Variants in CIBAR2 observed in about 807,000 individuals in gnomAD.
CIBAR2 encodes the protein CBY1 interacting BAR domain containing 2, also known as CBY1-interacting BAR domain-containing protein 2.
Under a neutral mutation model 36.2 loss-of-function variants are expected in CIBAR2, and 38 were observed. The observed-to-expected ratio is 1.05, with a 90% CI of 0.81 to 1.38. The LOEUF (loss-of-function observed/expected upper bound fraction) is 1.38. CIBAR2 is among the 40% of genes most tolerant of loss of function. The pLI is 0.00. For synonymous variants in CIBAR2, 182 were observed against 149.5 expected (o/e 1.22, Z -1.58); for missense variants, 481 against 383.4 (o/e 1.25, Z -2.13).
intron 6 of CIBAR2, among the ~76,000 whole-genome samples, chr16:85,104,204 G>A (rs1037965349): frequency 1.3e-5 from 2 of 152,230 alleles, no homozygotes; most frequent in Non-Finnish European, 1.5e-5. Context: ...AGGAGGCACC[G>A]ACTGGACGCA....
chr16:85,110,683 G>A (rs542155969), intron 1 of CIBAR2, among the ~76,000 whole-genome samples: 3 of 151,382 alleles, frequency 2.0e-5, no homozygotes, highest in South Asian at 2.1e-4. Context: ...ATATAAATGC[G>A]GGCTTGGCTG....
rs1335610988 is a variant in CIBAR2, at chr16:85,098,541, T to A, written c.*644A>T. 1.0e-6 allele frequency: 1 copy of A among 985,932 alleles called. No homozygotes were observed. 61.1% of individuals were successfully genotyped at this position (985,932 alleles called of 1,614,324 possible). A position where few individuals can be genotyped will look rare whatever the true frequency, so the allele number is the denominator to read the frequency against. On this transcript the variant is annotated 3_prime_UTR_variant, in exon 9 of 9. Transcript: ENST00000539556. ...CCTGAGGATCCAAGGCCAGCTAAGT[T>A]CTTCTGACTGTTGTGGGCAGTTCTC...
At chr16:85,104,433 C>T (rs868764561) in intron 6 of CIBAR2, among the ~76,000 whole-genome samples, 65 of 151,970 alleles carry the variant, frequency 4.3e-4, no homozygotes, top group African/African-American at 1.5e-3. Context: ...CTGGGGTAGG[C>T]GCGGTGGGTC....
rs1380180330 is a variant in CIBAR2 at position 85,099,133 on chromosome 16, A to C, written c.*52T>G. On this transcript the variant is annotated 3_prime_UTR_variant, in exon 9 of 9. Coordinates refer to ENST00000539556, the MANE Select transcript of CIBAR2 (RefSeq NM_198491.3). ...ATCAGAAAATAAGAACAAAGCCTCC[A>C]GGCAGTCTGGGATTATTTTAAACGG... 1.6e-5 allele frequency: 24 copies of C among 1,456,708 alleles called. No homozygotes were observed. The highest frequency in any genetic ancestry group is 1.8e-4 in the Middle Eastern group (1 of 5,428). 90.2% of individuals were successfully genotyped at this position (1,456,708 alleles called of 1,614,324 possible). A position where few individuals can be genotyped will look rare whatever the true frequency, so the allele number is the denominator to read the frequency against.
rs1385122167 is a variant in CIBAR2, at chr16:85,102,220, A to G, written c.645T>C (p.Asp215=). The change falls in exon 7 of 9, where the codon GAT becomes GAC. Residue 215 remains aspartate (D), a synonymous_variant. Transcript: ENST00000539556. Reference sequence around the variant, plus strand: ...CGGGGTGTCTGTGACTCACCAGTAGATCCCTCTCCAGGTCATACTTCTCCA... The same window carrying G: ...CGGGGTGTCTGTGACTCACCAGTAGGTCCCTCTCCAGGTCATACTTCTCCA... The part of the protein sequence containing the change: ...QTLEKYDLER[D]LLDFRAKMQG... 4 of 1,576,016 alleles carry G rather than the reference A, an allele frequency of 2.5e-6. No homozygotes were observed. The highest frequency in any genetic ancestry group is 3.5e-6 in the Non-Finnish European group (4 of 1,145,322).
Position 85,108,068 on chromosome 16 carries a change from G to A in CIBAR2, c.287C>T (p.Pro96Leu), listed in dbSNP as rs754145020. The change falls in exon 3 of 9, where the codon CCC (proline) becomes CTC (leucine). Residue 96 changes from proline to leucine, a missense_variant. By Grantham distance (98) the Pro-to-Leu change is moderately conservative. Coordinates refer to ENST00000539556, the MANE Select transcript of CIBAR2 (RefSeq NM_198491.3). Reference protein sequence around the residue: ...VERLETKVVNPLKLYGAQIKQ... With the variant: ...VERLETKVVNLLKLYGAQIKQ... The stretch of plus-strand genomic sequence containing the variant: ...GATCTGTGCCCCGTAGAGCTTCAGG[G>A]GGTTGACCACCTTGGTCTCCAGCCT... 1.2e-6 allele frequency: 2 copies of A among 1,613,106 alleles called. No individual in the cohort carries two copies. Among genetic ancestry groups the A allele is most frequent in the Admixed American group, 3.3e-5 (2 of 59,958 alleles).
intron 1 of CIBAR2, among the ~76,000 whole-genome samples, chr16:85,112,026 T>A (rs2074046649): frequency 6.6e-6 from 1 of 151,618 alleles, no homozygotes; most frequent in South Asian, 2.1e-4. Flanking sequence ...CTGGTTGGGG[T>A]TGAGGTGTGA....
intron 7 of CIBAR2, 95 bp from the exon 8 acceptor site, chr16:85,100,335 C>A: frequency 2.8e-6 from 2 of 714,514 alleles, no homozygotes; most frequent in South Asian, 1.7e-5. Flanking sequence ...CGAGAAGGCC[C>A]GAGACAGCTA....
intron 5 of CIBAR2, 121 bp from the exon 6 acceptor site, chr16:85,105,552 C>T (rs2073989664): frequency 1.9e-5 from 13 of 698,832 alleles, no homozygotes; most frequent in East Asian, 8.1e-5. Flanking sequence ...CCTCAAGGGA[C>T]GTTTCTTGCT....
At position 85,107,963 on chromosome 16, in the gene CIBAR2, AG is replaced by A. The variant is rs746832291; in HGVS notation, c.325-17del. 195 of 1,613,462 alleles carry A rather than the reference AG, an allele frequency of 1.2e-4. No homozygotes were observed. The highest frequency in any genetic ancestry group is 2.1e-5 in the Non-Finnish European group (25 of 1,179,534). ...TGATCTCAGCCTGCAGAAAAGGAGGAGGGTTGTTTCCTGGGATCCCACAGGG... is the reference window on the plus strand; with the variant it reads ...TGATCTCAGCCTGCAGAAAAGGAGGAGGTTGTTTCCTGGGATCCCACAGGG... On this transcript the variant is annotated splice_polypyrimidine_tract_variant and intron_variant, in intron 3 of 8. Coordinates refer to ENST00000539556, the MANE Select transcript of CIBAR2 (RefSeq NM_198491.3).
At chr16:85,111,216 C>T (rs1452430671) in intron 1 of CIBAR2, among the ~76,000 whole-genome samples, 1 of 152,160 alleles carries the variant, frequency 6.6e-6, no homozygotes, top group Non-Finnish European at 1.5e-5. Context: ...TCATCAAATC[C>T]CTGACTCGAG....
rs528519775 is a variant in CIBAR2 at position 85,099,571 on chromosome 16, G to A, written c.754-225C>T. Among the ~76,000 whole-genome samples the A allele has an allele frequency of 2.4e-4, 37 of 152,138 alleles. No homozygotes were observed. The South Asian group carries it at 5.8e-3, about 24-fold the overall frequency. On this transcript the variant is annotated intron_variant, in intron 8 of 8. Transcript: ENST00000539556. ...AGTGCTCAGGACCCATGGCAGCCAC[G>A]GCAGGGACCGTGTGGCCTACCACAC...
chr16:85,100,281 AAC>A lies in CIBAR2; in HGVS notation c.652-43_652-42del. On this transcript the variant is annotated intron_variant, in intron 7 of 8. Coordinates refer to ENST00000539556, the MANE Select transcript of CIBAR2 (RefSeq NM_198491.3). The stretch of plus-strand genomic sequence containing the variant: ...CAGGGTGGGTGGGATCCGATGGGAA[AAC>A]ACAGCGTGGGTTGGGGGAGTGGGAT... The A allele has an allele frequency of 2.9e-6, 4 of 1,383,008 alleles. No homozygotes were observed. The East Asian group carries it at 7.2e-5, about 25-fold the overall frequency. The allele number at this position is 1,383,008 out of a possible 1,614,324, so 85.7% of individuals were successfully genotyped here. A position where few individuals can be genotyped will look rare whatever the true frequency, so the allele number is the denominator to read the frequency against.
At chr16:85,101,508 C>G (rs1376908067) in intron 7 of CIBAR2, among the ~76,000 whole-genome samples, 1 of 152,098 alleles carries the variant, frequency 6.6e-6, no homozygotes, top group Non-Finnish European at 1.5e-5. Flanking sequence ...TGTTGCTTTA[C>G]AATACTAGGC....
intron 6 of CIBAR2, 58 bp from the exon 7 acceptor site, chr16:85,102,385 G>GCTTC: frequency 1.9e-6 from 2 of 1,070,296 alleles, no homozygotes; most frequent in Non-Finnish European, 2.9e-6. Flanking sequence ...GCCCAGGGAA[G>GCTTC]CCTGGGATGC....
rs202092569 is a variant in CIBAR2 at position 85,112,344 on chromosome 16, G to C, written c.9C>G (p.Ile3Met). Residue 3 changes from isoleucine to methionine, a missense_variant, in exon 1 of 9, where the codon ATC (isoleucine) becomes ATG (methionine). By Grantham distance (10) the Ile-to-Met change is conservative (BLOSUM62 1). Coordinates refer to ENST00000539556, the MANE Select transcript of CIBAR2 (RefSeq NM_198491.3). MN[I>M]VFSRDSQVRV... The stretch of plus-strand genomic sequence containing the variant: ...GCTGGCCCACTCACCTGGAGAAGAC[G>C]ATGTTCATTGTGACCAGAGCTTTGG... The C allele has an allele frequency of 6.2e-7, 1 of 1,613,996 alleles. No individual in the cohort carries two copies. The highest frequency in any genetic ancestry group is 2.2e-5 in the East Asian group (1 of 44,866).
intron 5 of CIBAR2, 26 bp downstream of exon 5, chr16:85,107,641 G>T: frequency 6.2e-7 from 1 of 1,613,018 alleles, no homozygotes; most frequent in African/African-American, 1.3e-5. Flanking sequence ...GATTCTGCCT[G>T]CCCCAGACAG....
chr16:85,106,281 C>A (rs1284826598), intron 5 of CIBAR2, among the ~76,000 whole-genome samples: 1 of 152,064 alleles, frequency 6.6e-6, no homozygotes, highest in Non-Finnish European at 1.5e-5. Flanking sequence ...ATCCAGCATC[C>A]CTGGCCTCTT....
Position 85,100,199 on chromosome 16 carries a change from G to A in CIBAR2, c.693C>T (p.Asp231=), listed in dbSNP as rs747703011. ...GGCTGGTGTTGGCAAGCAGCCGAGT[G>A]TCATAATGCCCATAAACTCCTTGCA... ...AKMQGVYGHY[D]TRLLANTSPP... The change falls in exon 8 of 9, where the codon GAC becomes GAT. Residue 231 remains aspartate (D), a synonymous_variant. Transcript: ENST00000539556. The A allele has an allele frequency of 1.2e-6, 2 of 1,611,620 alleles. No homozygotes were observed. Among genetic ancestry groups the A allele is most frequent in the Non-Finnish European group, 1.7e-6 (2 of 1,179,250 alleles).
Sources: gnomAD v4.1 joint callset for allele counts (sites outside exome capture counted in the v4.1 genomes callset) on GRCh38, gnomAD v4.1.1 for gene constraint, MANE v1.5 for transcripts, NCBI Gene and HGNC (gene_info 2026-07-23, HGNC 2026-07-21) for gene names.